TRIP11: variants seen among roughly 807,000 people sequenced by gnomAD.
TRIP11 encodes thyroid hormone receptor interactor 11, also known as thyroid receptor-interacting protein 11.
In TRIP11, 148 loss-of-function variants were observed where a neutral mutation model predicts 223.1. The observed-to-expected ratio is 0.66, with a 90% CI of 0.58 to 0.76. TRIP11 has a LOEUF of 0.76. Among genes scored for constraint, TRIP11 ranks in the 30% least tolerant of loss-of-function variants. TRIP11 has a pLI of 0.00. For synonymous variants in TRIP11, 762 were observed against 772.6 expected (o/e 0.99, Z 0.23); for missense variants, 2,043 against 2,222.0 (o/e 0.92, Z 1.62).
chr14:92,026,812 C>T (rs979093138), intron 2 of TRIP11: 4 of 1,356,476 alleles, frequency 2.9e-6, no homozygotes, highest in African/African-American at 1.4e-5. Context: ...AGTCAGCTAC[C>T]GGCAAGTGGG....
At chr14:92,031,850 T>C (rs550156758) in intron 2 of TRIP11, among the ~76,000 whole-genome samples, 1 of 152,282 alleles carries the variant, frequency 6.6e-6, no homozygotes, top group South Asian at 2.1e-4. Context: ...TCTCACTCTG[T>C]TGCCCGGGCT....
intron 3 of TRIP11, among the ~76,000 whole-genome samples, chr14:92,025,085 A>T (rs867391715): frequency 6.6e-6 from 1 of 152,210 alleles, no homozygotes; most frequent in South Asian, 2.1e-4. Flanking sequence ...GAAAAAAATT[A>T]TACTTCACAC....
chr14:91,980,008 C>G (rs2056517607), intron 16 of TRIP11, among the ~76,000 whole-genome samples: 1 of 150,716 alleles, frequency 6.6e-6, no homozygotes, highest in African/African-American at 2.4e-5. Flanking sequence ...GAGGGGGGAA[C>G]TTTAAAAGTT....
chr14:91,992,681 G>A (rs1002009701), intron 15 of TRIP11, among the ~76,000 whole-genome samples: 6 of 151,906 alleles, frequency 3.9e-5, no homozygotes, highest in African/African-American at 1.5e-4. Context: ...AGGCCAAGGC[G>A]GGCGGATCAC....
chr14:91,982,440 C>T (rs1216770562), intron 16 of TRIP11, among the ~76,000 whole-genome samples: 2 of 151,972 alleles, frequency 1.3e-5, no homozygotes, highest in South Asian at 2.1e-4. Context: ...ATGGGAACAG[C>T]AGACACTGGA....
intron 11 of TRIP11, 128 bp from the exon 12 acceptor site, chr14:92,000,236 G>A: frequency 1.4e-6 from 2 of 1,450,442 alleles, no homozygotes; most frequent in Non-Finnish European, 1.9e-6. Flanking sequence ...TTTACTCTCT[G>A]AGTAGGCTCA....
chr14:92,013,505 T>C (rs1007289989), intron 7 of TRIP11, among the ~76,000 whole-genome samples: 4 of 152,206 alleles, frequency 2.6e-5, no homozygotes, highest in Non-Finnish European at 5.9e-5. Flanking sequence ...ACCACTACGC[T>C]ATTCTGCTCC....
chr14:91,995,280 T>G, intron 14 of TRIP11, 72 bp downstream of exon 14: 3 of 1,579,368 alleles, frequency 1.9e-6, no homozygotes. Context: ...TCATCTAAAA[T>G]AGCTCTCAAA....
At position 91,993,878 on chromosome 14, in the gene TRIP11, C is replaced by T. The variant is rs772021301; in HGVS notation, c.5091G>A (p.Lys1697=). Reference sequence around the variant, plus strand: ...TCCATTCAGCTATAAGCTGTTTTTGCTTTTCGAGTTCAGCAGAATACATAG... The same window carrying T: ...TCCATTCAGCTATAAGCTGTTTTTGTTTTTCGAGTTCAGCAGAATACATAG... ...EKAMYSAELE[K]QKQLIAEWKK... Residue 1697 remains lysine, a synonymous_variant, in exon 15 of 21, where the codon AAG becomes AAA. Coordinates refer to ENST00000267622, the MANE Select transcript of TRIP11 (RefSeq NM_004239.4). The T allele has an allele frequency of 2.5e-5, 40 of 1,613,390 alleles. No individual in the cohort carries two copies. The highest frequency in any genetic ancestry group is 3.3e-5 in the Non-Finnish European group (39 of 1,179,898).
intron 13 of TRIP11, among the ~76,000 whole-genome samples, chr14:91,997,259 T>C (rs1040187636): frequency 2.6e-5 from 4 of 152,190 alleles, no homozygotes; most frequent in Non-Finnish European, 5.9e-5. Context: ...ATCCGGTTTG[T>C]AGATCTGAGT....
At position 91,975,184 on chromosome 14, in the gene TRIP11, C is replaced by T. The variant is rs780142198; in HGVS notation, c.5445G>A (p.Glu1815=). The T allele has an allele frequency of 1.2e-6, 2 of 1,613,424 alleles. No homozygotes were observed. The highest frequency in any genetic ancestry group is 2.7e-5 in the African/African-American group (2 of 74,902). ...LMGSILGVRR[E]EMEQLFHDDQ... ...ATCGTCCAGTCACCTGCTCCATCTCCTCCCTTCTGACGCCCAGGATGCTCC... is the reference window on the plus strand; with the variant it reads ...ATCGTCCAGTCACCTGCTCCATCTCTTCCCTTCTGACGCCCAGGATGCTCC... The change falls in exon 18 of 21, where the codon GAG becomes GAA. Residue 1815 remains glutamate (E), a synonymous_variant. Transcript: ENST00000267622.
At chr14:91,983,704 T>C (rs1377438203) in intron 16 of TRIP11, among the ~76,000 whole-genome samples, 3 of 152,222 alleles carry the variant, frequency 2.0e-5, no homozygotes, top group Non-Finnish European at 4.4e-5. Flanking sequence ...ATCTGGTACT[T>C]CTTATATGTT....
intron 17 of TRIP11, among the ~76,000 whole-genome samples, chr14:91,975,746 A>T (rs2056456223): frequency 6.6e-6 from 1 of 152,124 alleles, no homozygotes. Context: ...ATATATACTG[A>T]GGTTTCAGAT....
Position 92,011,007 on chromosome 14 carries a change from C to T in TRIP11, c.1293G>A (p.Lys431=), listed in dbSNP as rs774673818. ...CCACCTTTTCTTGACTCAGTAATGA[C>T]TTCTCTTTTTCTAAAACTTCGATAC... ...KMRIEVLEKE[K]SLLSQEKEEL... Residue 431 remains lysine, a synonymous_variant, in exon 9 of 21, where the codon AAG becomes AAA. Transcript: ENST00000267622. 25 of 1,613,986 alleles carry T rather than the reference C, an allele frequency of 1.5e-5. No homozygotes were observed. The highest frequency in any genetic ancestry group is 2.1e-5 in the Non-Finnish European group (25 of 1,179,988).
chr14:91,996,986 A>ATT (rs1351798952), intron 13 of TRIP11, among the ~76,000 whole-genome samples: 1 of 152,166 alleles, frequency 6.6e-6, no homozygotes, highest in Non-Finnish European at 1.5e-5. Context: ...TTAAATTCTT[A>ATT]TTCAAGAGCA....
intron 10 of TRIP11, 150 bp from the exon 11 acceptor site, chr14:92,006,598 C>A (rs531131885): frequency 5.7e-6 from 5 of 872,954 alleles, no homozygotes; most frequent in South Asian, 5.2e-5. Context: ...AAAACACCCA[C>A]TACAAAATTA....
chr14:91,993,373 G>A (rs908160346), intron 15 of TRIP11, among the ~76,000 whole-genome samples: 2 of 151,250 alleles, frequency 1.3e-5, no homozygotes, highest in Non-Finnish European at 2.9e-5. Flanking sequence ...CTACTTGGGA[G>A]GCTGAGGCAG....
At chr14:91,986,735 T>C (rs77194313) in intron 16 of TRIP11, among the ~76,000 whole-genome samples, 7 of 152,346 alleles carry the variant, frequency 4.6e-5, no homozygotes, top group East Asian at 1.9e-4. Flanking sequence ...AGATTATCAA[T>C]TCCCAGTGTG....
chr14:91,988,816 C>T (rs1437652126), intron 15 of TRIP11, among the ~76,000 whole-genome samples: 1 of 152,122 alleles, frequency 6.6e-6, no homozygotes, highest in African/African-American at 2.4e-5. Flanking sequence ...TTGAGCATTA[C>T]TTTTCATGTT....
Sources: allele counts gnomAD v4.1 joint callset (sites outside exome capture counted in the v4.1 genomes callset), GRCh38; gene constraint gnomAD v4.1.1; transcripts MANE v1.5; gene names NCBI Gene and HGNC (gene_info 2026-07-23, HGNC 2026-07-21).